SPTBN2: variants seen among roughly 807,000 people sequenced by gnomAD.
SPTBN2 encodes the protein spectrin beta, non-erythrocytic 2, also known as spectrin beta chain, non-erythrocytic 2.
Under a neutral mutation model 284.2 loss-of-function variants are expected in SPTBN2, and 107 were observed. The ratio of observed to expected loss-of-function variants is 0.38; its 90% CI spans 0.32 to 0.44. SPTBN2 has a LOEUF of 0.44. Ranked by LOEUF, SPTBN2 falls within the 20% of genes least tolerant of loss-of-function variation. The pLI is 1.00. For synonymous variants in SPTBN2, 1,289 were observed against 1,354.8 expected, an observed-to-expected ratio of 0.95 and a Z score of 1.07; for missense variants, 2,569 against 3,287.1, an observed-to-expected ratio of 0.78 and a Z score of 5.34.
chr11:66,733,805 C>T (rs890238423), upstream of SPTBN2, among the ~76,000 whole-genome samples: 5 of 151,952 alleles, frequency 3.3e-5, no homozygotes, highest in South Asian at 2.1e-4. Context: ...GGTGAAACCC[C>T]GTCTCTACTA....
chr11:66,705,199 G>A lies in SPTBN2; in HGVS notation c.2077C>T (p.Arg693Trp), dbSNP rs1228931802. ...HTALRGEMSG[R>W]LGPLKLTLEQ... ...AGGGTGAGCTTCAGGGGCCCCAGCCGGCCGCTCATCTCGCCCCGCAGGGCT... is the reference window on the plus strand; with the variant it reads ...AGGGTGAGCTTCAGGGGCCCCAGCCAGCCGCTCATCTCGCCCCGCAGGGCT... The change falls in exon 15 of 38, where the codon CGG (arginine) becomes TGG (tryptophan). Residue 693 changes from arginine (R) to tryptophan (W), a missense_variant. This residue lies in a region of SPTBN2 where 1,012 missense variants were observed against 1,248.9 expected (regional missense o/e 0.81). Transcript: ENST00000533211. The A allele has an allele frequency of 3.3e-6, 5 of 1,537,218 alleles. No homozygotes were observed. Among genetic ancestry groups the A allele is most frequent in the Non-Finnish European group, 4.4e-6 (5 of 1,144,458 alleles).
At position 66,715,619 on chromosome 11, in the gene SPTBN2, T is replaced by A. The variant is rs1349149647; in HGVS notation, c.309+211A>T. On this transcript the variant is annotated intron_variant, in intron 4 of 37. Coordinates refer to ENST00000533211, the MANE Select transcript of SPTBN2 (RefSeq NM_006946.4). The surrounding 1 kb of genome is among the most constrained non-coding windows in gnomAD (Gnocchi z 5.3). ...CCCAGAGTAGGTGGGAAAAGAAATGTTTTCAATGGGGCCACTGTTCCTGTC... is the reference window on the plus strand; with the variant it reads ...CCCAGAGTAGGTGGGAAAAGAAATGATTTCAATGGGGCCACTGTTCCTGTC... Among the ~76,000 whole-genome samples, 4 of 152,152 alleles carry A rather than the reference T, an allele frequency of 2.6e-5. No individual in the cohort carries two copies. Among genetic ancestry groups the A allele is most frequent in the African/African-American group, 4.8e-5 (2 of 41,426 alleles).
chr11:66,699,720 G>T, intron 17 of SPTBN2, 112 bp from the exon 18 acceptor site: 1 of 1,098,864 alleles, frequency 9.1e-7, no homozygotes, highest in Non-Finnish European at 1.4e-6. Flanking sequence ...CAGACAGGGA[G>T]GGTAGCCCAG....
chr11:66,692,724 G>A lies in SPTBN2; in HGVS notation c.5002C>T (p.Arg1668Cys), dbSNP rs371574176. The A allele has an allele frequency of 6.9e-6, 11 of 1,602,228 alleles. No individual in the cohort carries two copies. Among genetic ancestry groups the A allele is most frequent in the East Asian group, 2.2e-5 (1 of 44,888 alleles). Reference sequence around the variant, plus strand: ...TACAGCTTGTCCACCTGGGCTTGGCGGATGGATATCCGAGTGCTGCAAGAA... The same window carrying A: ...TACAGCTTGTCCACCTGGGCTTGGCAGATGGATATCCGAGTGCTGCAAGAA... ...EHPESTRISI[R>C]QAQVDKLYAG... Residue 1668 changes from arginine (R) to cysteine (C), a missense_variant, in exon 26 of 38, where the codon CGC (arginine) becomes TGC (cysteine). Physicochemically the swap from Arg to Cys is radical, Grantham distance 180. Transcript: ENST00000533211.
At chr11:66,727,437 T>C in intron 1 of SPTBN2, among the ~76,000 whole-genome samples, 1 of 151,824 alleles carries the variant, frequency 6.6e-6, no homozygotes. Flanking sequence ...GTCAATGGGG[T>C]AAAGTTCCAA....
chr11:66,737,779 C>T (rs1288648126), intron 1 of SPTBN2, among the ~76,000 whole-genome samples: 1 of 152,182 alleles, frequency 6.6e-6, no homozygotes, highest in Non-Finnish European at 1.5e-5. Flanking sequence ...TGGACCAACA[C>T]TCTACCTTGG....
At chr11:66,704,545 C>T (rs961324398) in intron 15 of SPTBN2, 53 bp downstream of exon 15, 4 of 1,564,382 alleles carry the variant, frequency 2.6e-6, no homozygotes, top group African/African-American at 1.4e-5. Context: ...ACATCCTGGC[C>T]CCCCCACCCC....
intron 31 of SPTBN2, among the ~76,000 whole-genome samples, 158 bp from the exon 32 acceptor site, chr11:66,688,469 G>A (rs1237229340): frequency 6.6e-6 from 1 of 152,110 alleles, no homozygotes; most frequent in Non-Finnish European, 1.5e-5. Flanking sequence ...AGCGGGAGAA[G>A]GTGTCTCGGC....
Position 66,721,250 on chromosome 11 carries a change from C to T in SPTBN2, c.-10G>A, listed in dbSNP as rs765714770. 1.4e-5 allele frequency: 22 copies of T among 1,614,036 alleles called. No homozygotes were observed. In the South Asian group the frequency reaches 1.4e-4, roughly 10 times the overall value. On this transcript the variant is annotated 5_prime_UTR_variant, in exon 3 of 38. Coordinates refer to ENST00000533211, the MANE Select transcript of SPTBN2 (RefSeq NM_006946.4). The stretch of plus-strand genomic sequence containing the variant: ...ACAGCGTGCTGCTCATGGTGGTAGG[C>T]GGCTTCCTGCTCCTGCAAGGAGAAT...
In SPTBN2 at chr11:66,718,699, G is replaced by A. The variant is rs1278751110; in HGVS notation, c.157+2385C>T. 6.6e-6 allele frequency among the ~76,000 whole-genome samples: 1 copy of A among 152,256 alleles called. No homozygotes were observed. Among genetic ancestry groups the A allele is most frequent in the African/African-American group, 2.4e-5 (1 of 41,474 alleles). ...GCAGGGGGCCAGTTTCTGTTCCCCA[G>A]TGGAACCTCAGGCTGGAGTCCAGCG... is the stretch of plus-strand genomic sequence containing the variant. On this transcript the variant is annotated intron_variant, in intron 3 of 37. Coordinates refer to ENST00000533211, the MANE Select transcript of SPTBN2 (RefSeq NM_006946.4). This position sits in a 1 kb window ranked among gnomAD's most constrained non-coding sequence, Gnocchi z 4.8.
intron 17 of SPTBN2, among the ~76,000 whole-genome samples, chr11:66,699,967 C>CT (rs953277114): frequency 7.3e-5 from 11 of 150,860 alleles, no homozygotes; most frequent in African/African-American, 2.2e-4. Flanking sequence ...TTTTCTTTTT[C>CT]TTTTTTTTGA....
intron 15 of SPTBN2, among the ~76,000 whole-genome samples, chr11:66,704,133 C>T (rs1193791211): frequency 2.6e-5 from 4 of 151,886 alleles, no homozygotes; most frequent in East Asian, 1.9e-4. Flanking sequence ...CCACTGTGCC[C>T]GGCTAATTTT....
In SPTBN2 at chr11:66,740,866, G is replaced by C. The variant is rs1407798376; in HGVS notation, c.-475+3676C>G. Among the ~76,000 whole-genome samples, 7 of 152,300 alleles carry C rather than the reference G, an allele frequency of 4.6e-5. No homozygotes were observed. The East Asian group carries it at 1.2e-3, about 25-fold the overall frequency. ...CTCTTTAGGGCATTTGAAAGCTCTA[G>C]GGGAGCCTAAGAAACAAGGTGGGGC... On this transcript the variant is annotated intron_variant, in intron 1 of 37. Coordinates refer to the SPTBN2 transcript ENST00000611817.
At position 66,688,991 on chromosome 11, in the gene SPTBN2, CGTGA is replaced by C. The variant is rs1940347781; in HGVS notation, c.6034+101_6034+104del. 8 of 1,456,492 alleles carry C rather than the reference CGTGA, an allele frequency of 5.5e-6. No individual in the cohort carries two copies. In the Admixed American group the frequency reaches 1.5e-4, roughly 28 times the overall value. 90.2% of individuals were successfully genotyped at this position (1,456,492 alleles called of 1,614,324 possible). A position where few individuals can be genotyped will look rare whatever the true frequency, so the allele number is the denominator to read the frequency against. ...GCCAGGCAGCACGAAGATTGGGCAT[CGTGA>C]GTTTCACACCCAGGGTTCCTAGTCT... On this transcript the variant is annotated intron_variant, in intron 30 of 37. Transcript: ENST00000533211.
chr11:66,743,511 C>G (rs929852422), intron 1 of SPTBN2, among the ~76,000 whole-genome samples: 5 of 152,190 alleles, frequency 3.3e-5, no homozygotes, highest in Admixed American at 2.0e-4. Flanking sequence ...CTTTGCCAGG[C>G]AGGAATCTCT....
In SPTBN2 at chr11:66,711,140, C is replaced by A. The variant is rs1363202953; in HGVS notation, c.773-111G>T. The A allele has an allele frequency of 4.3e-5, 36 of 843,570 alleles. No individual in the cohort carries two copies. In the Middle Eastern group the frequency reaches 8.5e-4, roughly 20 times the overall value. 52.3% of individuals were successfully genotyped at this position (843,570 alleles called of 1,614,324 possible). On this transcript the variant is annotated intron_variant, in intron 8 of 37. Transcript: ENST00000533211. ...TCCTCCAAGGCTGACATCTCTCCAT[C>A]TCCTTTTAGAGCAAAATGACAACTT...
chr11:66,708,933 C>A lies in SPTBN2; in HGVS notation c.1160G>T (p.Arg387Leu). 6.2e-7 allele frequency: 1 copy of A among 1,613,960 alleles called. No individual in the cohort carries two copies. Residue 387 changes from arginine to leucine, a missense_variant, in exon 11 of 38, where the codon CGC becomes CTC. By Grantham distance (102) the Arg-to-Leu change is moderately radical (BLOSUM62 -2). Coordinates refer to ENST00000533211, the MANE Select transcript of SPTBN2 (RefSeq NM_006946.4). The surrounding 1 kb of genome is among the most constrained non-coding windows in gnomAD (Gnocchi z 4.4). ...GATGTCCGAGATGAGCCGGCCCTCG[C>A]GGGGCGTGTAGACCTTCTGGTTGTT... ...RANNQKVYTP[R>L]EGRLISDINK... is the part of the protein sequence containing the mutation.
Position 66,699,488 on chromosome 11 carries a change from G to A in SPTBN2, c.3694C>T (p.Leu1232=). Reference sequence around the variant, plus strand: ...GATACCAGCTGGCGGCCAGCCTCCAGGAGCCCGTGGATCCGTTCCCCATTG... The same window carrying A: ...GATACCAGCTGGCGGCCAGCCTCCAAGAGCCCGTGGATCCGTTCCCCATTG... ...DANGERIHGL[L]EAGRQLVSEG... The change falls in exon 18 of 38, where the codon CTG becomes TTG. Residue 1232 remains leucine, a synonymous_variant. Coordinates refer to ENST00000533211, the MANE Select transcript of SPTBN2 (RefSeq NM_006946.4). 6.2e-7 allele frequency: 1 copy of A among 1,614,162 alleles called. No homozygotes were observed.
Position 66,699,398 on chromosome 11 carries a change from C to CA in SPTBN2, c.3776+7dup, listed in dbSNP as rs1590933141. 1 of 1,613,966 alleles carries CA rather than the reference C, an allele frequency of 6.2e-7. No homozygotes were observed. The highest frequency in any genetic ancestry group is 8.5e-7 in the Non-Finnish European group (1 of 1,180,006). On this transcript the variant is annotated splice_region_variant and intron_variant, in intron 18 of 37. Coordinates refer to ENST00000533211, the MANE Select transcript of SPTBN2 (RefSeq NM_006946.4). The stretch of plus-strand genomic sequence containing the variant: ...GGAACCCTAATTCATGGACTGTCCT[C>CA]ATCAGACCTCCTCTCAATGGAGTCT...
Sources: gnomAD v4.1 joint callset for allele counts (sites outside exome capture counted in the v4.1 genomes callset) on GRCh38, gnomAD v4.1.1 for gene constraint, gnomAD v4.1.1 regional missense constraint, Gnocchi (gnomAD v3.1) non-coding constraint, MANE v1.5 for transcripts, NCBI Gene and HGNC (gene_info 2026-07-23, HGNC 2026-07-21) for gene names.